The following ANKS3 variants were observed in gnomAD, a reference collection of about 807,000 sequenced individuals.
ANKS3 encodes ankyrin repeat and SAM domain-containing protein 3.
In ANKS3, 62 loss-of-function variants were observed where a neutral mutation model predicts 80.7. The observed-to-expected ratio is 0.77, with a 90% CI of 0.63 to 0.95. The LOEUF (loss-of-function observed/expected upper bound fraction) is 0.95. Among genes scored for constraint, ANKS3 ranks in the 40% least tolerant of loss-of-function variants. The pLI, the probability that ANKS3 is intolerant of heterozygous loss-of-function variation, is 0.00. For synonymous variants in ANKS3, 489 were observed against 355.3 expected (o/e 1.38, Z -4.23); for missense variants, 1,150 against 883.6 (o/e 1.30, Z -3.82).
chr16:4,701,003 G>A lies in ANKS3; in HGVS notation c.1251C>T (p.Pro417=), dbSNP rs117007233. Residue 417 remains proline, a synonymous_variant, in exon 11 of 18, where the codon CCC becomes CCT. Transcript: ENST00000304283. ...CTGAGTAGGGGGCCCTCTGAGTCTG[G>A]GGGCTGGACTCAGCGAGAAAGCCTT... ...DREGFLAESS[P]QTQRAPYSGP... 0.021 allele frequency: 34,224 copies of A among 1,613,898 alleles called. 453 individuals carry two copies. The highest frequency in any genetic ancestry group is 0.025 in the Non-Finnish European group (29,483 of 1,179,882).
chr16:4,733,848 C>A (rs1266132534), intron 1 of ANKS3, 90 bp downstream of exon 1: 2 of 883,724 alleles, frequency 2.3e-6, no homozygotes, highest in Non-Finnish European at 2.7e-6. Context: ...TGAAAGCACC[C>A]AGGCACCCCC....
chr16:4,729,164 C>T (rs923945654), intron 3 of ANKS3, among the ~76,000 whole-genome samples: 1 of 152,166 alleles, frequency 6.6e-6, no homozygotes. Context: ...ATGGACCCTG[C>T]CAGGGGCTTT....
intron 7 of ANKS3, among the ~76,000 whole-genome samples, chr16:4,712,790 G>C (rs1040401533): frequency 1.3e-5 from 2 of 152,186 alleles, no homozygotes; most frequent in African/African-American, 4.8e-5. Flanking sequence ...CAATGAGCTA[G>C]AGGTGTTAGC....
intron 6 of ANKS3, among the ~76,000 whole-genome samples, chr16:4,722,141 T>C (rs1221132623): frequency 1.3e-5 from 2 of 151,286 alleles, no homozygotes; most frequent in Non-Finnish European, 3.0e-5. Flanking sequence ...ATGTGTACCA[T>C]GTGCATGTTG....
At position 4,697,957 on chromosome 16, in the gene ANKS3, A is replaced by G; in HGVS notation, c.1810+20T>C. The G allele has an allele frequency of 6.4e-7, 1 of 1,559,058 alleles. No individual in the cohort carries two copies. Among genetic ancestry groups the G allele is most frequent in the Non-Finnish European group, 8.7e-7 (1 of 1,153,860 alleles). On this transcript the variant is annotated intron_variant, in intron 15 of 17. Transcript: ENST00000304283. Reference sequence around the variant, plus strand: ...CCACCTTCCCCTCTGCCCAGTGCGGAGTCAGGCCACTGCTCTTACCAGCTG... The same window carrying G: ...CCACCTTCCCCTCTGCCCAGTGCGGGGTCAGGCCACTGCTCTTACCAGCTG...
At chr16:4,698,406 G>T in intron 14 of ANKS3, 21 bp downstream of exon 14, 1 of 1,484,822 alleles carries the variant, frequency 6.7e-7, no homozygotes, top group East Asian at 2.5e-5. Context: ...ACCCAGCCCA[G>T]GGCAGCTCAG....
chr16:4,697,465 C>T lies in ANKS3; in HGVS notation c.1811-49G>A, dbSNP rs1392074450. 2.8e-6 allele frequency: 4 copies of T among 1,440,168 alleles called. No homozygotes were observed. In the African/African-American group the frequency reaches 4.2e-5, roughly 15 times the overall value. The allele number at this position is 1,440,168 out of a possible 1,614,324, so 89.2% of individuals were successfully genotyped here. A position where few individuals can be genotyped will look rare whatever the true frequency, so the allele number is the denominator to read the frequency against. On this transcript the variant is annotated intron_variant, in intron 15 of 17. Transcript: ENST00000304283. ...AGTTAGCTGGGGGTCTGCGTCCCCA[C>T]AGGCCCTGCTTTATTCTGAGCCCAT...
At chr16:4,733,630 ATT>A (rs1233844955) in intron 1 of ANKS3, among the ~76,000 whole-genome samples, 3 of 152,168 alleles carry the variant, frequency 2.0e-5, no homozygotes, top group African/African-American at 7.2e-5. Context: ...GTATAATCAT[ATT>A]GTTTGTAACA....
At chr16:4,702,070 G>A (rs2142037325) in intron 9 of ANKS3, 32 bp downstream of exon 9, 1 of 1,546,436 alleles carries the variant, frequency 6.5e-7, no homozygotes, top group Non-Finnish European at 8.7e-7. Context: ...ACCTGCCTGA[G>A]CCACGGGCCG....
chr16:4,705,046 A>C, intron 8 of ANKS3, 49 bp downstream of exon 8: 7 of 1,596,362 alleles, frequency 4.4e-6, no homozygotes, highest in Non-Finnish European at 6.0e-6. Context: ...CCAACACAAA[A>C]TCCTGGTATG....
Position 4,705,151 on chromosome 16 carries a change from G to T in ANKS3, c.812C>A (p.Ala271Asp). 2 of 1,613,650 alleles carry T rather than the reference G, an allele frequency of 1.2e-6. No homozygotes were observed. Among genetic ancestry groups the T allele is most frequent in the African/African-American group, 2.7e-5 (2 of 75,064 alleles). ...KGVSIHEGPRALARITGIGLG... is the reference protein window; with the variant it reads ...KGVSIHEGPRDLARITGIGLG... ...GCCAATGCCTGTGATCCTGGCCAGG[G>T]CTCGCGGTCCCTCGTGGATGCTGAC... The change falls in exon 8 of 18, where the codon GCC (alanine) becomes GAC (aspartate). Residue 271 changes from alanine to aspartate, a missense_variant. By Grantham distance (126) the Ala-to-Asp change is moderately radical. Coordinates refer to ENST00000304283, the MANE Select transcript of ANKS3 (RefSeq NM_133450.4).
intron 6 of ANKS3, among the ~76,000 whole-genome samples, chr16:4,715,220 C>T (rs1025707275): frequency 1.3e-5 from 2 of 151,836 alleles, no homozygotes; most frequent in Admixed American, 1.3e-4. Flanking sequence ...GCAGGTGGAT[C>T]GCTCGGCTCA....
rs1349234317 is a variant in ANKS3 at position 4,702,389 on chromosome 16, G to C, written c.869-147C>G. On this transcript the variant is annotated intron_variant, in intron 8 of 17. Transcript: ENST00000304283. ...CCTGGCATGGCTCTATCTGTGGTGTGTGGGTGGAAAAGATGCTCTGAGGGT... is the reference window on the plus strand; with the variant it reads ...CCTGGCATGGCTCTATCTGTGGTGTCTGGGTGGAAAAGATGCTCTGAGGGT... 1.1e-5 allele frequency: 10 copies of C among 881,330 alleles called. No homozygotes were observed. In the East Asian group the frequency reaches 1.3e-4, roughly 12 times the overall value. 54.6% of individuals were successfully genotyped at this position (881,330 alleles called of 1,614,324 possible).
rs2079713099 is a variant in ANKS3, at chr16:4,698,567, C to G, written c.1584G>C (p.Gln528His). 1 of 1,580,224 alleles carries G rather than the reference C, an allele frequency of 6.3e-7. No individual in the cohort carries two copies. The highest frequency in any genetic ancestry group is 8.5e-7 in the Non-Finnish European group (1 of 1,170,402). Residue 528 changes from glutamine to histidine, a missense_variant, in exon 14 of 18, where the codon CAG becomes CAC. Coordinates refer to ENST00000304283, the MANE Select transcript of ANKS3 (RefSeq NM_133450.4). Reference protein sequence around the residue: ...RCEEVEATRGQVCQEQELRAV... With the variant: ...RCEEVEATRGHVCQEQELRAV... ...CGCGCAGCTCCTGCTCCTGACACAC[C>G]TGGCCCCGCGTGGCCTCTACCTCCT...
chr16:4,727,068 T>C lies in ANKS3; in HGVS notation c.280A>G (p.Ser94Gly), dbSNP rs921928025. The C allele has an allele frequency of 6.2e-7, 1 of 1,614,092 alleles. No individual in the cohort carries two copies. The highest frequency in any genetic ancestry group is 8.5e-7 in the Non-Finnish European group (1 of 1,180,022). ...CCTTCTGGGGTCGGCACATTCACACTCACCCCCGCCTCAAGCAGCAGGTGC... is the reference window on the plus strand; with the variant it reads ...CCTTCTGGGGTCGGCACATTCACACCCACCCCCGCCTCAAGCAGCAGGTGC... ...IVHLLLEAGVSVNVPTPEGQT... is the reference protein window; with the variant it reads ...IVHLLLEAGVGVNVPTPEGQT... Residue 94 changes from serine to glycine, a missense_variant, in exon 4 of 18, where the codon AGT becomes GGT. Physicochemically the swap from Ser to Gly is moderately conservative, Grantham distance 56. Coordinates refer to ENST00000304283, the MANE Select transcript of ANKS3 (RefSeq NM_133450.4).
chr16:4,707,682 A>T (rs1220258056), intron 7 of ANKS3, among the ~76,000 whole-genome samples: 1 of 152,202 alleles, frequency 6.6e-6, no homozygotes, highest in East Asian at 1.9e-4. Context: ...ATAAATCAGA[A>T]ACACGCTAAT....
chr16:4,700,965 C>T lies in ANKS3; in HGVS notation c.1284+5G>A, dbSNP rs774270387. On this transcript the variant is annotated splice_donor_5th_base_variant and intron_variant, in intron 11 of 17. Coordinates refer to ENST00000304283, the MANE Select transcript of ANKS3 (RefSeq NM_133450.4). ...TGTAACCTCCAGTTTCACAAGCGGT[C>T]TTACCTGGGGTCCTGAGTAGGGGGC... 11 of 1,613,946 alleles carry T rather than the reference C, an allele frequency of 6.8e-6. No homozygotes were observed. The East Asian group carries it at 1.3e-4, about 20-fold the overall frequency.
intron 6 of ANKS3, among the ~76,000 whole-genome samples, chr16:4,724,310 A>G (rs1446643173): frequency 6.6e-6 from 1 of 152,242 alleles, no homozygotes; most frequent in African/African-American, 2.4e-5. Context: ...ACTTTGTTCA[A>G]AACACAAAGC....
rs566763191 is a variant in ANKS3, at chr16:4,712,830, A to C, written c.709+1221T>G. On this transcript the variant is annotated intron_variant, in intron 7 of 17. Coordinates refer to ENST00000304283, the MANE Select transcript of ANKS3 (RefSeq NM_133450.4). ...AAACAAAAGAACGGTGCAATTCAAC[A>C]AAGTCAGAGTCATGAGAATCAGCAG... is the stretch of plus-strand genomic sequence containing the variant. 3.3e-5 allele frequency among the ~76,000 whole-genome samples: 5 copies of C among 152,320 alleles called. No homozygotes were observed. In the East Asian group the frequency reaches 9.6e-4, roughly 29 times the overall value.
Sources: allele counts gnomAD v4.1 joint callset (sites outside exome capture counted in the v4.1 genomes callset), GRCh38; gene constraint gnomAD v4.1.1; transcripts MANE v1.5; gene names NCBI Gene and HGNC (gene_info 2026-07-23, HGNC 2026-07-21).